The following FUT9 variants were observed in gnomAD, a reference collection of about 807,000 sequenced individuals.
FUT9 encodes fucosyltransferase 9, also known as 4-galactosyl-N-acetylglucosaminide 3-alpha-L-fucosyltransferase 9.
Under a neutral mutation model 29.7 loss-of-function variants are expected in FUT9, and 15 were observed. The observed-to-expected ratio is 0.51, with a 90% CI of 0.34 to 0.78. The LOEUF is 0.78. Among genes scored for constraint, FUT9 ranks in the 30% least tolerant of loss-of-function variants. The pLI is 0.01. For synonymous variants in FUT9, 169 were observed against 153.7 expected (o/e 1.10, Z -0.74); for missense variants, 319 against 425.4 (o/e 0.75, Z 2.20).
At chr6:96,154,808 C>A (rs1307630149) in intron 2 of FUT9, among the ~76,000 whole-genome samples, 1 of 152,128 alleles carries the variant, frequency 6.6e-6, no homozygotes, top group Non-Finnish European at 1.5e-5. Flanking sequence ...TTGTTTGAAC[C>A]AAAGTATTTC....
chr6:96,119,460 TAAC>T (rs1232057132), intron 2 of FUT9, among the ~76,000 whole-genome samples: 1 of 152,178 alleles, frequency 6.6e-6, no homozygotes, highest in East Asian at 1.9e-4. Context: ...TGAAATCACC[TAAC>T]ATCACATTTC....
intron 2 of FUT9, among the ~76,000 whole-genome samples, chr6:96,168,378 A>C (rs757444457): frequency 1.1e-4 from 17 of 152,310 alleles, no homozygotes; most frequent in Middle Eastern, 6.8e-3. Context: ...ACCTTGACTG[A>C]TAAAGAAGAA....
chr6:96,055,810 G>A (rs1192630752), intron 1 of FUT9, among the ~76,000 whole-genome samples: 1 of 150,940 alleles, frequency 6.6e-6, no homozygotes, highest in African/African-American at 2.4e-5. Flanking sequence ...CTCCCACAGT[G>A]CTGGGATTAA....
chr6:96,180,865 T>C (rs1773293487), intron 2 of FUT9, among the ~76,000 whole-genome samples: 1 of 151,942 alleles, frequency 6.6e-6, no homozygotes. Context: ...TATATCTTGG[T>C]TATTGTAAAT....
chr6:96,198,854 T>C (rs1341009619), intron 2 of FUT9, among the ~76,000 whole-genome samples: 2 of 152,188 alleles, frequency 1.3e-5, no homozygotes, highest in Non-Finnish European at 2.9e-5. Flanking sequence ...TGATTTGCAT[T>C]TCTCTGATGG....
At chr6:96,122,293 T>C (rs536290074) in intron 2 of FUT9, among the ~76,000 whole-genome samples, 5 of 152,322 alleles carry the variant, frequency 3.3e-5, no homozygotes, top group Non-Finnish European at 7.3e-5. Flanking sequence ...CAGGAGTGTC[T>C]AGAACCCCTT....
At chr6:96,140,423 G>A (rs1772441441) in intron 2 of FUT9, among the ~76,000 whole-genome samples, 1 of 152,136 alleles carries the variant, frequency 6.6e-6, no homozygotes. Flanking sequence ...CTGTTGCCCA[G>A]TTCCAAAGTC....
chr6:96,176,760 G>C (rs559913052), intron 2 of FUT9, among the ~76,000 whole-genome samples: 2 of 151,996 alleles, frequency 1.3e-5, no homozygotes, highest in African/African-American at 4.8e-5. Flanking sequence ...TTGGTTCTGC[G>C]GCCGGGATAA....
At chr6:96,105,901 A>G (rs542561900) in intron 1 of FUT9, among the ~76,000 whole-genome samples, 12 of 152,338 alleles carry the variant, frequency 7.9e-5, no homozygotes, top group Non-Finnish European at 1.2e-4. Context: ...TCTGTTTCTA[A>G]TAAGCCATTA....
chr6:96,081,251 C>A (rs1032244069), intron 1 of FUT9, among the ~76,000 whole-genome samples: 1 of 150,698 alleles, frequency 6.6e-6, no homozygotes, highest in Non-Finnish European at 1.5e-5. Flanking sequence ...AATTGCCATC[C>A]ATTTCTTGCA....
In FUT9 at chr6:96,197,146, A is replaced by G. The variant is rs542836607; in HGVS notation, c.-8-6002A>G. Among the ~76,000 whole-genome samples the G allele has an allele frequency of 5.3e-5, 8 of 152,312 alleles. No individual in the cohort carries two copies. The East Asian group carries it at 1.5e-3, about 29-fold the overall frequency. ...GCCAGTAGAAACAAATGTCTGAGGCAAAAATGAAAGAAGAAAAAAGAATTT... is the reference window on the plus strand; with the variant it reads ...GCCAGTAGAAACAAATGTCTGAGGCGAAAATGAAAGAAGAAAAAAGAATTT... On this transcript the variant is annotated intron_variant, in intron 2 of 2. Transcript: ENST00000302103.
rs184397390 is a variant in FUT9 at position 96,137,692 on chromosome 6, A to T, written c.-9+23565A>T. Among the ~76,000 whole-genome samples, 162 of 152,186 alleles carry T rather than the reference A, an allele frequency of 1.1e-3. 1 individual carries two copies. In the East Asian group the frequency reaches 0.022, roughly 21 times the overall value. On this transcript the variant is annotated intron_variant, in intron 2 of 2. Transcript: ENST00000302103. ...TCTAGCAACACAAAACAGAGGGAAAAAGAAAAACTAAGAAAATAAGTAAAA... is the reference window on the plus strand; with the variant it reads ...TCTAGCAACACAAAACAGAGGGAAATAGAAAAACTAAGAAAATAAGTAAAA...
chr6:96,209,052 A>G lies in FUT9; in HGVS notation c.*4817A>G, dbSNP rs1027808162. On this transcript the variant is annotated 3_prime_UTR_variant, in exon 3 of 3. Transcript: ENST00000302103. ...TTATAAAACAGTTAACAGAATCTAA[A>G]TAAGATATAGCCGGCTAAATCTGGA... The G allele has an allele frequency of 1.8e-5, 3 of 166,870 alleles. No individual in the cohort carries two copies. Among genetic ancestry groups the G allele is most frequent in the Non-Finnish European group, 2.9e-5 (2 of 67,996 alleles). 10.3% of individuals were successfully genotyped at this position (166,870 alleles called of 1,614,324 possible).
intron 1 of FUT9, among the ~76,000 whole-genome samples, chr6:96,101,267 G>A (rs746626807): frequency 1.3e-5 from 2 of 152,112 alleles, no homozygotes; most frequent in African/African-American, 2.4e-5. Flanking sequence ...GGCCAGGTGC[G>A]GTGGCTCATG....
chr6:96,106,428 T>A (rs965123265), intron 1 of FUT9, among the ~76,000 whole-genome samples: 2 of 152,030 alleles, frequency 1.3e-5, no homozygotes, highest in African/African-American at 4.8e-5. Context: ...AGACAAAAAA[T>A]TAATAAAGGG....
intron 2 of FUT9, among the ~76,000 whole-genome samples, chr6:96,191,267 T>C (rs531952075): frequency 2.0e-5 from 3 of 152,182 alleles, no homozygotes; most frequent in African/African-American, 4.8e-5. Flanking sequence ...CAAAAAACCC[T>C]TCAAAAAATC....
chr6:96,040,519 A>G (rs1382942678), intron 1 of FUT9, among the ~76,000 whole-genome samples: 2 of 152,164 alleles, frequency 1.3e-5, no homozygotes, highest in Non-Finnish European at 2.9e-5. Context: ...CAGATCAAAA[A>G]ACACCTTTCA....
At chr6:96,101,002 T>A (rs1157678700) in intron 1 of FUT9, among the ~76,000 whole-genome samples, 1 of 152,006 alleles carries the variant, frequency 6.6e-6, no homozygotes, top group Non-Finnish European at 1.5e-5. Context: ...CTTAGTACAT[T>A]GCATACATGT....
chr6:96,153,343 C>T (rs1772716759), intron 2 of FUT9, among the ~76,000 whole-genome samples: 1 of 152,164 alleles, frequency 6.6e-6, no homozygotes, highest in African/African-American at 2.4e-5. Flanking sequence ...TCCCTATCCT[C>T]TTGTCCTTAA....
Sources: gnomAD v4.1 joint callset for allele counts (sites outside exome capture counted in the v4.1 genomes callset) on GRCh38, gnomAD v4.1.1 for gene constraint, MANE v1.5 for transcripts, NCBI Gene and HGNC (gene_info 2026-07-23, HGNC 2026-07-21) for gene names.